Variants in NBEA observed in about 807,000 individuals in gnomAD.
NBEA encodes lysosomal-trafficking regulator 2.
A neutral mutation model predicts 343.4 loss-of-function variants in NBEA; 44 were observed. The ratio of observed to expected loss-of-function variants is 0.13; its 90% CI spans 0.10 to 0.16. NBEA has a LOEUF of 0.16. Ranked by LOEUF, NBEA falls within the 10% of genes least tolerant of loss-of-function variation. The probability of loss-of-function intolerance (pLI) is 1.00; values close to 1 mark genes in which losing one functional copy is unlikely to be tolerated. For missense variants in NBEA, 2,555 were observed against 3,631.3 expected, an observed-to-expected ratio of 0.70 and a Z score of 7.62; for synonymous variants, 1,175 against 1,238.7, an observed-to-expected ratio of 0.95 and a Z score of 1.08.
chr13:35,041,788 C>T (rs958425925), intron 2 of NBEA, among the ~76,000 whole-genome samples: 1 of 151,932 alleles, frequency 6.6e-6, no homozygotes, highest in Non-Finnish European at 1.5e-5. Flanking sequence ...CACCACCAAC[C>T]GTTTACTACC....
At chr13:35,563,170 GATAGATAA>G (rs979687155) in intron 44 of NBEA, among the ~76,000 whole-genome samples, 2 of 147,912 alleles carry the variant, frequency 1.4e-5, no homozygotes, top group African/African-American at 5.0e-5. Context: ...TAGATAGATA[GATAGATAA>G]TCTCCACACA....
chr13:35,303,627 A>T (rs76185357), intron 35 of NBEA, among the ~76,000 whole-genome samples: 2,597 of 152,212 alleles, frequency 0.017, 49 homozygotes, highest in African/African-American at 0.042. Context: ...TCTTTTTCTG[A>T]AGAATTAACT....
intron 40 of NBEA, among the ~76,000 whole-genome samples, chr13:35,459,694 G>A (rs2046801001): frequency 6.6e-6 from 1 of 152,088 alleles, no homozygotes. Flanking sequence ...TATATAAATT[G>A]AATGTTTTCT....
intron 41 of NBEA, among the ~76,000 whole-genome samples, chr13:35,487,879 T>G (rs920998684): frequency 2.6e-5 from 4 of 151,906 alleles, no homozygotes; most frequent in Admixed American, 2.6e-4. Flanking sequence ...GGTACATGAT[T>G]TTCTTCAAGT....
At chr13:35,054,643 C>CTTTTTTTTTTT (rs1186551019) in intron 6 of NBEA, among the ~76,000 whole-genome samples, 5 of 117,450 alleles carry the variant, frequency 4.3e-5, no homozygotes, top group Admixed American at 8.7e-5. Flanking sequence ...GTTTTCTTTT[C>CTTTTTTTTTTT]TTTTTTTTTT....
At chr13:35,312,595 G>A (rs781362890) in intron 36 of NBEA, among the ~76,000 whole-genome samples, 15 of 152,132 alleles carry the variant, frequency 9.9e-5, no homozygotes, top group Non-Finnish European at 2.9e-5. Flanking sequence ...AGGGTTTCAC[G>A]GGCTCAAGAC....
intron 44 of NBEA, among the ~76,000 whole-genome samples, chr13:35,563,178 A>G (rs1346191283): frequency 1.8e-5 from 2 of 109,708 alleles, no homozygotes; most frequent in African/African-American, 5.5e-5. Context: ...TAGATAGATA[A>G]TCTCCACACA....
At chr13:34,991,368 G>A (rs1213805267) in intron 1 of NBEA, among the ~76,000 whole-genome samples, 2 of 152,194 alleles carry the variant, frequency 1.3e-5, no homozygotes, top group Non-Finnish European at 2.9e-5. Flanking sequence ...AAGCATGGCT[G>A]GAGAGGCCTC....
chr13:35,269,195 C>G (rs984727000), intron 34 of NBEA, among the ~76,000 whole-genome samples: 9 of 152,080 alleles, frequency 5.9e-5, no homozygotes, highest in African/African-American at 2.2e-4. Context: ...TGAACCATCA[C>G]AAGTTGGAGG....
At chr13:35,554,901 A>G (rs1306250484) in intron 43 of NBEA, 86 bp from the exon 44 acceptor site, 1 of 547,476 alleles carries the variant, frequency 1.8e-6, no homozygotes, top group African/African-American at 1.9e-5. Context: ...TAAGTTGATT[A>G]TCAAAGCAAT....
At chr13:35,435,074 G>T (rs983922657) in intron 39 of NBEA, among the ~76,000 whole-genome samples, 3 of 152,098 alleles carry the variant, frequency 2.0e-5, no homozygotes, top group Non-Finnish European at 2.9e-5. Flanking sequence ...TGTTGCCCAG[G>T]CTGGAGTGCA....
At chr13:35,651,709 T>C (rs980749796) in intron 52 of NBEA, 96 bp from the exon 53 acceptor site, 19 of 743,692 alleles carry the variant, frequency 2.6e-5, no homozygotes, top group Middle Eastern at 2.3e-4. Context: ...TAAGCAAATA[T>C]GCATTTTGTA....
intron 35 of NBEA, among the ~76,000 whole-genome samples, chr13:35,304,009 T>C (rs1320171514): frequency 2.0e-5 from 3 of 152,208 alleles, no homozygotes; most frequent in South Asian, 2.1e-4. Context: ...TGCAAACAAA[T>C]GAAATAGTGA....
At chr13:35,227,663 T>G (rs1253003404) in intron 33 of NBEA, among the ~76,000 whole-genome samples, 2 of 152,060 alleles carry the variant, frequency 1.3e-5, no homozygotes, top group East Asian at 3.8e-4. Flanking sequence ...TTAGGAAATT[T>G]AAGCACTCTA....
chr13:35,638,026 T>C (rs1464460059), intron 49 of NBEA, among the ~76,000 whole-genome samples: 1 of 151,946 alleles, frequency 6.6e-6, no homozygotes, highest in Non-Finnish European at 1.5e-5. Flanking sequence ...AAAAGACAAA[T>C]CCTGTATGAT....
At position 35,551,036 on chromosome 13, in the gene NBEA, A is replaced by T. The variant is rs1226786429; in HGVS notation, c.6806+4A>T. ...GCTATGGTCTGCCACAAGCCAGGTA[A>T]TTATATCATATTACATATTATCTAT... On this transcript the variant is annotated splice_donor_region_variant and intron_variant, in intron 43 of 58. Transcript: ENST00000379939. 18 of 1,486,310 alleles carry T rather than the reference A, an allele frequency of 1.2e-5. No homozygotes were observed. The highest frequency in any genetic ancestry group is 1.7e-5 in the Non-Finnish European group (18 of 1,068,560). 92.1% of individuals were successfully genotyped at this position (1,486,310 alleles called of 1,614,324 possible). A position where few individuals can be genotyped will look rare whatever the true frequency, so the allele number is the denominator to read the frequency against.
Position 35,016,457 on chromosome 13 carries a change from G to A in NBEA, c.295-24476G>A, listed in dbSNP as rs549598765. 2.0e-5 allele frequency among the ~76,000 whole-genome samples: 3 copies of A among 152,144 alleles called. No homozygotes were observed. In the South Asian group the frequency reaches 6.2e-4, roughly 32 times the overall value. ...TTTGACAACTCATTTGTTGAGTCCC[G>A]TTTTGGAGGGGACATTTTCTTGCAT... On this transcript the variant is annotated intron_variant, in intron 1 of 58. Coordinates refer to ENST00000379939, the MANE Select transcript of NBEA (RefSeq NM_001385012.1).
chr13:35,320,417 AT>A (rs1293021130), intron 36 of NBEA, among the ~76,000 whole-genome samples: 1 of 152,144 alleles, frequency 6.6e-6, no homozygotes, highest in Non-Finnish European at 1.5e-5. Flanking sequence ...AATGTTGAAT[AT>A]TTGCCTCCAC....
intron 47 of NBEA, among the ~76,000 whole-genome samples, chr13:35,604,083 G>A (rs150887250): frequency 1.3e-3 from 205 of 152,222 alleles, no homozygotes; most frequent in African/African-American, 4.3e-3. Context: ...TGCTCCTTCC[G>A]TGACTGATAA....
Sources: allele counts gnomAD v4.1 joint callset (sites outside exome capture counted in the v4.1 genomes callset), GRCh38; gene constraint gnomAD v4.1.1; transcripts MANE v1.5; gene names NCBI Gene and HGNC (gene_info 2026-07-23, HGNC 2026-07-21).